BUB3: variants seen among roughly 807,000 people sequenced by gnomAD.
The protein encoded by BUB3 is mitotic checkpoint protein BUB3.
Under a neutral mutation model 39.9 loss-of-function variants are expected in BUB3, and 22 were observed. That is an observed-to-expected ratio of 0.55 (90% CI 0.39 to 0.79). The LOEUF is 0.79. Among genes scored for constraint, BUB3 ranks in the 30% least tolerant of loss-of-function variants. BUB3 has a pLI of 0.00. For synonymous variants in BUB3, 168 were observed against 155.1 expected, an observed-to-expected ratio of 1.08 and a Z score of -0.62; for missense variants, 303 against 415.4, an observed-to-expected ratio of 0.73 and a Z score of 2.35.
rs751559876 is a variant in BUB3 at position 123,162,746 on chromosome 10, T to C, written c.889T>C (p.Tyr297His). The C allele has an allele frequency of 5.0e-6, 8 of 1,614,020 alleles. No individual in the cohort carries two copies. Among genetic ancestry groups the C allele is most frequent in the Non-Finnish European group, 5.1e-6 (6 of 1,179,958 alleles). Residue 297 changes from tyrosine to histidine, a missense_variant, in exon 7 of 8, where the codon TAT (tyrosine) becomes CAT (histidine). Tyr to His is a moderately conservative substitution (Grantham distance 83, BLOSUM62 2). Coordinates refer to ENST00000368865, the MANE Select transcript of BUB3 (RefSeq NM_004725.4). ...GACTACGCTTGCAATAGCGTCATCA[T>C]ATATGTATGAAATGGATGACACAGA... ...DGTTLAIASS[Y>H]MYEMDDTEHP...
chr10:123,163,536 C>G (rs1300350739), intron 7 of BUB3, among the ~76,000 whole-genome samples: 1 of 152,172 alleles, frequency 6.6e-6, no homozygotes, highest in African/African-American at 2.4e-5. Context: ...AGGAAGTTCT[C>G]GATACATATT....
chr10:123,162,434 C>T lies in BUB3; in HGVS notation c.754+21C>T, dbSNP rs79772703. ...CACAGGTAAAGTATGGCATGCTGAC[C>T]TATATTTAATTATTATACTATTTGG... On this transcript the variant is annotated intron_variant, in intron 6 of 7. Transcript: ENST00000368865. 939 of 1,606,810 alleles carry T rather than the reference C, an allele frequency of 5.8e-4. 3 individuals are homozygous for T. In the African/African-American group the frequency reaches 0.011, roughly 19 times the overall value.
intron 3 of BUB3, among the ~76,000 whole-genome samples, 196 bp downstream of exon 3, chr10:123,155,923 C>T (rs1422594885): frequency 2.6e-5 from 4 of 152,146 alleles, no homozygotes; most frequent in Non-Finnish European, 1.5e-5. Context: ...TGTATTTTTG[C>T]AGTAAAGCCA....
At chr10:123,163,239 A>T (rs540949841) in intron 7 of BUB3, 8 of 179,854 alleles carry the variant, frequency 4.4e-5, no homozygotes, top group Non-Finnish European at 6.9e-5. Context: ...ATATTAACAC[A>T]AAGTAAGTGA....
At chr10:123,161,502 A>G (rs1223148837) in intron 5 of BUB3, among the ~76,000 whole-genome samples, 1 of 152,164 alleles carries the variant, frequency 6.6e-6, no homozygotes, top group African/African-American at 2.4e-5. Flanking sequence ...TATATCTAAT[A>G]TTTTATATAG....
At position 123,162,335 on chromosome 10, in the gene BUB3, C is replaced by G; in HGVS notation, c.676C>G (p.Leu226Val). 3 of 1,614,042 alleles carry G rather than the reference C, an allele frequency of 1.9e-6. No individual in the cohort carries two copies. Among genetic ancestry groups the G allele is most frequent in the Non-Finnish European group, 2.5e-6 (3 of 1,179,958 alleles). Residue 226 changes from leucine to valine, a missense_variant, in exon 6 of 8, where the codon CTA (leucine) becomes GTA (valine). Around this residue, in one of 2 missense-constraint regions of BUB3, gnomAD observed 182 missense variants for 293.1 expected, o/e 0.62. Transcript: ENST00000368865. ...GAAGTATGCCTTCAAATGTCACAGA[C>G]TAAAAGAAAATAATATTGAGCAGAT... is the stretch of plus-strand genomic sequence containing the variant. The part of the protein sequence containing the change: ...KKKYAFKCHR[L>V]KENNIEQIYP...
chr10:123,159,540 G>GT (rs1422883050), intron 4 of BUB3, among the ~76,000 whole-genome samples: 1 of 152,178 alleles, frequency 6.6e-6, no homozygotes, highest in Non-Finnish European at 1.5e-5. Flanking sequence ...TTTTTAATGA[G>GT]TTGGCTACCT....
rs745619504 is a variant in BUB3 at position 123,162,694 on chromosome 10, C to T, written c.837C>T (p.Ile279=). The T allele has an allele frequency of 2.0e-5, 33 of 1,611,298 alleles. No individual in the cohort carries two copies. The highest frequency in any genetic ancestry group is 3.3e-4 in the Middle Eastern group (2 of 6,078). ...LCQFHRYPTS[I]ASLAFSNDGT... Reference sequence around the variant, plus strand: ...AATTCCATCGGTACCCCACGAGCATCGCATCACTTGCCTTCAGTAATGATG... The same window carrying T: ...AATTCCATCGGTACCCCACGAGCATTGCATCACTTGCCTTCAGTAATGATG... Residue 279 remains isoleucine (I), a synonymous_variant, in exon 7 of 8, where the codon ATC becomes ATT. Coordinates refer to ENST00000368865, the MANE Select transcript of BUB3 (RefSeq NM_004725.4).
At chr10:123,157,181 G>A (rs1394641739) in intron 3 of BUB3, among the ~76,000 whole-genome samples, 1 of 152,192 alleles carries the variant, frequency 6.6e-6, no homozygotes, top group East Asian at 1.9e-4. Context: ...GAACCACAGT[G>A]GAACCAAGTG....
rs562085562 is a variant in BUB3, at chr10:123,163,921, C to A, written c.*86C>A. On this transcript the variant is annotated 3_prime_UTR_variant, in exon 8 of 8. Transcript: ENST00000368865. ...GGTGGATTTATTACTATTAAAGAAA[C>A]CAGGGAAAATATTAATTTTAATATT... 23 of 1,390,994 alleles carry A rather than the reference C, an allele frequency of 1.7e-5. No homozygotes were observed. In the African/African-American group the frequency reaches 2.7e-4, roughly 16 times the overall value. 86.2% of individuals were successfully genotyped at this position (1,390,994 alleles called of 1,614,324 possible). A position where few individuals can be genotyped will look rare whatever the true frequency, so the allele number is the denominator to read the frequency against.
chr10:123,164,305 AT>A lies in BUB3; in HGVS notation c.*473del. 4 of 986,098 alleles carry A rather than the reference AT, an allele frequency of 4.1e-6. No individual in the cohort carries two copies. The highest frequency in any genetic ancestry group is 4.8e-6 in the Non-Finnish European group (4 of 830,524). The allele number at this position is 986,098 out of a possible 1,614,324, so 61.1% of individuals were successfully genotyped here. The stretch of plus-strand genomic sequence containing the variant: ...GGAGGTTAATCTACAATTAAACAAT[AT>A]TTCCTCTTGGCCGTCCATTATTTTC... On this transcript the variant is annotated 3_prime_UTR_variant, in exon 8 of 8. Transcript: ENST00000368865.
Position 123,162,342 on chromosome 10 carries a change from A to G in BUB3, c.683A>G (p.Glu228Gly). ...KYAFKCHRLKENNIEQIYPVN... is the reference protein window; with the variant it reads ...KYAFKCHRLKGNNIEQIYPVN... ...GCCTTCAAATGTCACAGACTAAAAG[A>G]AAATAATATTGAGCAGATTTACCCA... Residue 228 changes from glutamate to glycine, a missense_variant, in exon 6 of 8, where the codon GAA (glutamate) becomes GGA (glycine). Glu to Gly is a moderately conservative substitution (Grantham distance 98). Transcript: ENST00000368865. 6.2e-7 allele frequency: 1 copy of G among 1,614,178 alleles called. No homozygotes were observed. Among genetic ancestry groups the G allele is most frequent in the Non-Finnish European group, 8.5e-7 (1 of 1,180,004 alleles).
At position 123,163,689 on chromosome 10, in the gene BUB3, T is replaced by A. The variant is rs908596976; in HGVS notation, c.972-131T>A. 22 of 765,558 alleles carry A rather than the reference T, an allele frequency of 2.9e-5. No individual in the cohort carries two copies. The African/African-American group carries it at 4.0e-4, about 14-fold the overall frequency. 47.4% of individuals were successfully genotyped at this position (765,558 alleles called of 1,614,324 possible). A position where few individuals can be genotyped will look rare whatever the true frequency, so the allele number is the denominator to read the frequency against. On this transcript the variant is annotated intron_variant, in intron 7 of 7. Transcript: ENST00000368865. The stretch of plus-strand genomic sequence containing the variant: ...AGATATGCTTTTACAGGTTTGACTT[T>A]AGAAAAGTCTTAGCATGTGAAGCCT...
Position 123,165,275 on chromosome 10 carries a change from A to G in BUB3, c.*1440A>G. 1 of 498,000 alleles carries G rather than the reference A, an allele frequency of 2.0e-6. No homozygotes were observed. The highest frequency in any genetic ancestry group is 3.0e-5 in the East Asian group (1 of 33,594). The allele number at this position is 498,000 out of a possible 1,614,324, so 30.8% of individuals were successfully genotyped here. On this transcript the variant is annotated 3_prime_UTR_variant, in exon 8 of 8. Transcript: ENST00000368865. ...TCCCCTTCTGTCCCCTAGTAAGCCC[A>G]GTTGCTGTATCTGAACAGTTTGAGC...
Sources: gnomAD v4.1 joint callset for allele counts (sites outside exome capture counted in the v4.1 genomes callset) on GRCh38, gnomAD v4.1.1 for gene constraint, gnomAD v4.1.1 regional missense constraint, MANE v1.5 for transcripts, NCBI Gene and HGNC (gene_info 2026-07-23, HGNC 2026-07-21) for gene names.